Variants in PCGF3 observed in about 807,000 individuals in gnomAD.
PCGF3 encodes the protein polycomb group RING finger protein 3.
Under a neutral mutation model 33.1 loss-of-function variants are expected in PCGF3, and 7 were observed. The observed-to-expected ratio is 0.21, with a 90% CI of 0.12 to 0.40. The LOEUF (loss-of-function observed/expected upper bound fraction) is 0.40, where lower values mean the gene tolerates loss of function less well. PCGF3 is among the 10% of genes least tolerant of loss of function. The pLI, the probability that PCGF3 is intolerant of heterozygous loss-of-function variation, is 1.00. For synonymous variants in PCGF3, 153 were observed against 121.3 expected, an observed-to-expected ratio of 1.26 and a Z score of -1.72; for missense variants, 211 against 313.3, an observed-to-expected ratio of 0.67 and a Z score of 2.46.
chr4:748,640 G>A (rs35645043), intron 8 of PCGF3, among the ~76,000 whole-genome samples: 2,664 of 152,302 alleles, frequency 0.017, 38 homozygotes, highest in Middle Eastern at 0.071. Context: ...GAAGGGGTCC[G>A]GAGGGGCAGG....
chr4:742,292 C>T (rs561838352), intron 6 of PCGF3, among the ~76,000 whole-genome samples: 19 of 152,288 alleles, frequency 1.2e-4, no homozygotes, highest in South Asian at 2.1e-4. Flanking sequence ...TGTCCAAGCT[C>T]GTTGCCTCAC....
chr4:734,575 TAC>T (rs2109616607), intron 4 of PCGF3: 1 of 1,163,184 alleles, frequency 8.6e-7, no homozygotes, highest in African/African-American at 1.6e-5. Flanking sequence ...ACGTAGAAGA[TAC>T]TGTCATCTTT....
intron 1 of PCGF3, among the ~76,000 whole-genome samples, chr4:712,042 A>G (rs1742593566): frequency 6.6e-6 from 1 of 152,118 alleles, no homozygotes; most frequent in Non-Finnish European, 1.5e-5. Flanking sequence ...ACAGTTTCCT[A>G]TTGTTTATCT....
chr4:730,466 T>C (rs530847730), intron 1 of PCGF3, among the ~76,000 whole-genome samples, 164 bp from the exon 2 acceptor site: 5 of 152,002 alleles, frequency 3.3e-5, no homozygotes, highest in South Asian at 2.1e-4. Flanking sequence ...GACCAGCCCG[T>C]GTCTCCCGGG....
At chr4:764,951 C>G (rs1374011475) in intron 9 of PCGF3, 33 bp from the exon 10 acceptor site, 5 of 1,520,790 alleles carry the variant, frequency 3.3e-6, no homozygotes, top group African/African-American at 1.4e-5. Flanking sequence ...TTGAGCACCT[C>G]TCCGCTGCTA....
chr4:756,373 C>T (rs771202501), intron 8 of PCGF3, among the ~76,000 whole-genome samples: 23 of 151,628 alleles, frequency 1.5e-4, no homozygotes, highest in Non-Finnish European at 2.6e-4. Context: ...CCACCATGCC[C>T]AGCTAATTTT....
At chr4:719,928 C>G (rs990766377) in intron 1 of PCGF3, among the ~76,000 whole-genome samples, 3 of 152,142 alleles carry the variant, frequency 2.0e-5, no homozygotes, top group Non-Finnish European at 4.4e-5. Context: ...ACGATGGGAA[C>G]GAGAGTCCAT....
At chr4:713,542 C>A (rs1742674954) in intron 1 of PCGF3, among the ~76,000 whole-genome samples, 1 of 148,308 alleles carries the variant, frequency 6.7e-6, no homozygotes. Flanking sequence ...TCCTGTGTGG[C>A]CTCGTCAGGG....
intron 8 of PCGF3, among the ~76,000 whole-genome samples, chr4:749,476 CTTTT>C (rs71640348): frequency 5.5e-3 from 415 of 75,478 alleles, no homozygotes; most frequent in Non-Finnish European, 7.5e-3. Flanking sequence ...ATTTTCTTTC[CTTTT>C]TTTTTTTTTT....
chr4:761,356 G>A lies in PCGF3; in HGVS notation c.540G>A (p.Ala180=), dbSNP rs141712126. The A allele has an allele frequency of 1.1e-3, 1,733 of 1,612,392 alleles. 14 individuals carry two copies. In the African/African-American group the frequency reaches 0.021, roughly 20 times the overall value. Reference sequence around the variant, plus strand: ...AGTGGATCCGCTGCTCAGCCCAGGCGACCGTCTTGCATCTGAAGAAGTTCA... The same window carrying A: ...AGTGGATCCGCTGCTCAGCCCAGGCAACCGTCTTGCATCTGAAGAAGTTCA... Residue 180 remains alanine (A), a synonymous_variant, in exon 9 of 11, where the codon GCG becomes GCA. Transcript: ENST00000362003.
intron 8 of PCGF3, among the ~76,000 whole-genome samples, chr4:749,394 C>T (rs1326062010): frequency 6.6e-6 from 1 of 151,452 alleles, no homozygotes; most frequent in Admixed American, 6.6e-5. Context: ...GAACTCTTGA[C>T]CTCGGGTGAT....
rs1745555658 is a variant in PCGF3 at position 769,968 on chromosome 4, T to C, written c.*3889T>C. 2.0e-5 allele frequency: 3 copies of C among 152,698 alleles called. No homozygotes were observed. The South Asian group carries it at 6.2e-4, about 32-fold the overall frequency. The allele number at this position is 152,698 out of a possible 1,614,324, so 9.5% of individuals were successfully genotyped here. A position where few individuals can be genotyped will look rare whatever the true frequency, so the allele number is the denominator to read the frequency against. On this transcript the variant is annotated 3_prime_UTR_variant, in exon 11 of 11. Transcript: ENST00000362003. Reference sequence around the variant, plus strand: ...TAATTTTTGTACTCTTGGTGGCTAGTTTTTGTCAAATCTTTTTTGGAATAT... The same window carrying C: ...TAATTTTTGTACTCTTGGTGGCTAGCTTTTGTCAAATCTTTTTTGGAATAT...
chr4:724,167 C>G (rs1382328026), intron 1 of PCGF3: 1 of 152,406 alleles, frequency 6.6e-6, no homozygotes, highest in African/African-American at 2.4e-5. Flanking sequence ...GGCACGGAGC[C>G]CTGGGGGTGG....
chr4:750,878 T>G (rs1349435964), intron 8 of PCGF3, among the ~76,000 whole-genome samples: 2 of 152,142 alleles, frequency 1.3e-5, no homozygotes, highest in Non-Finnish European at 2.9e-5. Context: ...GTTTTCGCTC[T>G]AACCCCCGAT....
intron 1 of PCGF3, among the ~76,000 whole-genome samples, chr4:706,459 G>GA (rs1428946362): frequency 7.1e-6 from 1 of 141,286 alleles, no homozygotes; most frequent in Non-Finnish European, 1.5e-5. Flanking sequence ...AGGACCCAGG[G>GA]AGGGCAAAGA....
At chr4:731,049 G>A in exon 3 of PCGF3, 1 of 398,644 alleles carries the variant, frequency 2.5e-6, no homozygotes, top group East Asian at 3.6e-5. Context: ...CGTCGCGTGG[G>A]AGTGCTGGCC....
intron 8 of PCGF3, among the ~76,000 whole-genome samples, chr4:748,989 G>T (rs976639759): frequency 6.6e-6 from 1 of 152,124 alleles, no homozygotes; most frequent in Non-Finnish European, 1.5e-5. Flanking sequence ...TCCATGGATC[G>T]ATGTAAAGCT....
At chr4:711,192 C>T (rs1742546444) in intron 1 of PCGF3, among the ~76,000 whole-genome samples, 1 of 152,224 alleles carries the variant, frequency 6.6e-6, no homozygotes, top group Admixed American at 6.5e-5. Flanking sequence ...CTCTGGAGAC[C>T]TCAGCCGCCC....
chr4:760,062 A>G (rs559840574), intron 8 of PCGF3, among the ~76,000 whole-genome samples: 1 of 152,160 alleles, frequency 6.6e-6, no homozygotes, highest in Non-Finnish European at 1.5e-5. Flanking sequence ...CCCCGGAGCA[A>G]GGATGTCTCT....
Sources: allele counts gnomAD v4.1 joint callset (sites outside exome capture counted in the v4.1 genomes callset), GRCh38; gene constraint gnomAD v4.1.1; transcripts MANE v1.5; gene names NCBI Gene and HGNC (gene_info 2026-07-23, HGNC 2026-07-21).